Variants in FTO observed in about 807,000 individuals in gnomAD.
FTO encodes the protein FTO alpha-ketoglutarate dependent dioxygenase, also known as alpha-ketoglutarate-dependent dioxygenase FTO.
In FTO, 47 loss-of-function variants were observed where a neutral mutation model predicts 63.9. That is an observed-to-expected ratio of 0.74 (90% CI 0.58 to 0.94). The LOEUF (loss-of-function observed/expected upper bound fraction) is 0.94. FTO is among the 40% of genes least tolerant of loss of function. FTO has a pLI of 0.00. For missense variants in FTO, 562 were observed against 618.1 expected (o/e 0.91, Z 0.96); for synonymous variants, 207 against 224.4 (o/e 0.92, Z 0.69).
At chr16:53,935,201 CTT>C (rs1187504549) in intron 8 of FTO, among the ~76,000 whole-genome samples, 1 of 152,120 alleles carries the variant, frequency 6.6e-6, no homozygotes, top group Non-Finnish European at 1.5e-5. Context: ...GTCTCAGAGT[CTT>C]ATTTGGTGCT....
intron 8 of FTO, among the ~76,000 whole-genome samples, chr16:53,995,545 T>A (rs1371723796): frequency 1.3e-5 from 2 of 152,212 alleles, no homozygotes; most frequent in East Asian, 1.9e-4. Flanking sequence ...CCAGGTACCC[T>A]GGCAGCCACA....
chr16:53,739,776 C>T lies in FTO; in HGVS notation c.45+35547C>T, dbSNP rs151046067. 3.3e-5 allele frequency among the ~76,000 whole-genome samples: 5 copies of T among 151,534 alleles called. No individual in the cohort carries two copies. The East Asian group carries it at 9.7e-4, about 29-fold the overall frequency. ...TTTTAATCATTGAGGTATAATTCTC[C>T]TAATATAAAATGAACCATTTTAAAG... is the stretch of plus-strand genomic sequence containing the variant. On this transcript the variant is annotated intron_variant, in intron 1 of 8. Transcript: ENST00000471389.
intron 1 of FTO, among the ~76,000 whole-genome samples, chr16:53,805,144 T>C (rs1169865787): frequency 1.3e-5 from 2 of 152,204 alleles, no homozygotes; most frequent in Non-Finnish European, 2.9e-5. Context: ...AGAAGTATTA[T>C]GTGGAAAATG....
At chr16:54,053,588 A>G (rs930021645) in intron 8 of FTO, among the ~76,000 whole-genome samples, 1 of 152,178 alleles carries the variant, frequency 6.6e-6, no homozygotes, top group Admixed American at 6.5e-5. Flanking sequence ...TCAGTCGGGA[A>G]TGGTAAAGGT....
chr16:53,815,654 T>G (rs1337203489), intron 2 of FTO, among the ~76,000 whole-genome samples: 13 of 80,772 alleles, frequency 1.6e-4, no homozygotes, highest in African/African-American at 4.9e-4. Context: ...TTTTTTTTTT[T>G]TTTTTTTTTT....
chr16:54,030,851 T>C (rs2084811859), intron 8 of FTO, among the ~76,000 whole-genome samples: 1 of 152,202 alleles, frequency 6.6e-6, no homozygotes, highest in South Asian at 2.1e-4. Context: ...GATTGTCAAA[T>C]GCATTTACAG....
chr16:54,039,761 T>C (rs1174546262), intron 8 of FTO: 10 of 152,250 alleles, frequency 6.6e-5, no homozygotes, highest in Non-Finnish European at 7.3e-5. Context: ...ACTTCAGGGA[T>C]CAGGGAAGGT....
intron 7 of FTO, among the ~76,000 whole-genome samples, chr16:53,915,947 G>A (rs1368548514): frequency 6.6e-6 from 1 of 152,214 alleles, no homozygotes; most frequent in Non-Finnish European, 1.5e-5. Flanking sequence ...AGGAATTCAT[G>A]CCAACCGCAG....
At chr16:53,955,178 G>A (rs897538168) in intron 8 of FTO, among the ~76,000 whole-genome samples, 1 of 152,044 alleles carries the variant, frequency 6.6e-6, no homozygotes, top group Non-Finnish European at 1.5e-5. Flanking sequence ...GCATGAAGAT[G>A]GATGGTTAAG....
intron 8 of FTO, among the ~76,000 whole-genome samples, chr16:54,094,154 T>C (rs994149773): frequency 1.3e-5 from 2 of 152,232 alleles, no homozygotes; most frequent in Admixed American, 1.3e-4. Flanking sequence ...AAGTAATAAA[T>C]AGATAATGGC....
At chr16:53,812,059 C>T (rs183481147) in intron 2 of FTO, among the ~76,000 whole-genome samples, 228 of 152,092 alleles carry the variant, frequency 1.5e-3, no homozygotes, top group Non-Finnish European at 2.9e-3. Flanking sequence ...GCGATCCACA[C>T]ACCTTGGGCT....
intron 7 of FTO, among the ~76,000 whole-genome samples, chr16:53,890,573 T>TCA (rs1358037928): frequency 6.6e-6 from 1 of 152,206 alleles, no homozygotes; most frequent in Non-Finnish European, 1.5e-5. Context: ...AATCTTTAAA[T>TCA]CATACCTTTT....
At chr16:53,939,475 A>G (rs1007574611) in intron 8 of FTO, among the ~76,000 whole-genome samples, 1 of 152,226 alleles carries the variant, frequency 6.6e-6, no homozygotes, top group African/African-American at 2.4e-5. Flanking sequence ...ATTGCATATA[A>G]CAAAATTTAT....
intron 8 of FTO, among the ~76,000 whole-genome samples, chr16:54,005,461 A>T (rs2084179633): frequency 6.6e-6 from 1 of 150,904 alleles, no homozygotes; most frequent in African/African-American, 2.4e-5. Context: ...ATTATTACTT[A>T]TCCTAGTATA....
rs560579006 is a variant in FTO at position 54,107,979 on chromosome 16, C to G, written c.1365-3783C>G. 2.6e-5 allele frequency among the ~76,000 whole-genome samples: 4 copies of G among 152,266 alleles called. 1 individual carries two copies. The South Asian group carries it at 8.3e-4, about 32-fold the overall frequency. On this transcript the variant is annotated intron_variant, in intron 8 of 8. Transcript: ENST00000471389. ...AAACCACTCCCTGTGGCTAGGACAG[C>G]GTGATGTACTGACGTAGCTTAAGCC...
At position 53,973,798 on chromosome 16, in the gene FTO, TTATA is replaced by T. The variant is rs1364342726; in HGVS notation, c.1364+39691_1364+39694del. Among the ~76,000 whole-genome samples the T allele has an allele frequency of 2.6e-5, 4 of 152,312 alleles. 1 individual carries two copies. The highest frequency in any genetic ancestry group is 1.3e-4 in the Admixed American group (2 of 15,300). ...AATGCATATCGTGATTGGTTGATGG[TTATA>T]TGGGCATATACATTTTTCAAAACTT... On this transcript the variant is annotated intron_variant, in intron 8 of 8. Coordinates refer to ENST00000471389, the MANE Select transcript of FTO (RefSeq NM_001080432.3).
At chr16:54,073,593 T>G (rs2085920210) in intron 8 of FTO, among the ~76,000 whole-genome samples, 1 of 150,840 alleles carries the variant, frequency 6.6e-6, no homozygotes, top group African/African-American at 2.4e-5. Flanking sequence ...GGAGGAGCTC[T>G]CTCTCTTCTC....
At chr16:53,962,513 C>T (rs532645493) in intron 8 of FTO, among the ~76,000 whole-genome samples, 2 of 152,256 alleles carry the variant, frequency 1.3e-5, no homozygotes, top group East Asian at 1.9e-4. Flanking sequence ...GCCTGAACGT[C>T]GAAGTACTAG....
intron 8 of FTO, among the ~76,000 whole-genome samples, chr16:53,951,622 T>A (rs1157198656): frequency 6.6e-6 from 1 of 152,182 alleles, no homozygotes; most frequent in Non-Finnish European, 1.5e-5. Context: ...CATTTGAAAT[T>A]CACTCTCAGC....
Sources: gnomAD v4.1 joint callset for allele counts (sites outside exome capture counted in the v4.1 genomes callset) on GRCh38, gnomAD v4.1.1 for gene constraint, MANE v1.5 for transcripts, NCBI Gene and HGNC (gene_info 2026-07-23, HGNC 2026-07-21) for gene names.